Variants in ZBTB20 observed in about 807,000 individuals in gnomAD.
ZBTB20 encodes the protein zinc finger and BTB domain containing 20.
A neutral mutation model predicts 56.9 loss-of-function variants in ZBTB20; 9 were observed. The ratio of observed to expected loss-of-function variants is 0.16; its 90% CI spans 0.10 to 0.28. The LOEUF (loss-of-function observed/expected upper bound fraction) is 0.28. ZBTB20 is among the 10% of genes least tolerant of loss of function. ZBTB20 has a pLI of 1.00. For synonymous variants in ZBTB20, 417 were observed against 420.7 expected (o/e 0.99, Z 0.11); for missense variants, 655 against 1,003.0 (o/e 0.65, Z 4.69).
intron 2 of ZBTB20, among the ~76,000 whole-genome samples, chr3:115,058,491 G>A (rs2081895548): frequency 2.6e-5 from 4 of 152,162 alleles, no homozygotes. Flanking sequence ...CACTTTGGGA[G>A]GCTGAGGCAG....
At chr3:114,981,313 T>C (rs534354443) in intron 2 of ZBTB20, among the ~76,000 whole-genome samples, 2 of 152,230 alleles carry the variant, frequency 1.3e-5, no homozygotes, top group African/African-American at 4.8e-5. Context: ...TGTTATGATT[T>C]GTAACCTTTC....
intron 2 of ZBTB20, among the ~76,000 whole-genome samples, chr3:115,053,021 T>C (rs777623788): frequency 5.3e-5 from 8 of 152,228 alleles, no homozygotes; most frequent in Non-Finnish European, 1.0e-4. Context: ...ATCTGAATGC[T>C]GACATCACTG....
At chr3:114,471,270 AC>A (rs2040096660) in intron 7 of ZBTB20, among the ~76,000 whole-genome samples, 1 of 152,176 alleles carries the variant, frequency 6.6e-6, no homozygotes, top group Non-Finnish European at 1.5e-5. Flanking sequence ...TTTAATTTTT[AC>A]ACTACTCCCA....
chr3:115,109,402 A>G (rs1368997327), intron 1 of ZBTB20, among the ~76,000 whole-genome samples: 1 of 152,222 alleles, frequency 6.6e-6, no homozygotes, highest in Non-Finnish European at 1.5e-5. Context: ...AATAGTCTTC[A>G]TATCTTTCCA....
intron 2 of ZBTB20, among the ~76,000 whole-genome samples, chr3:115,064,927 G>GAA (rs2082153292): frequency 6.6e-6 from 1 of 152,094 alleles, no homozygotes; most frequent in South Asian, 2.1e-4. Flanking sequence ...TCTTGGTGTG[G>GAA]AATTGCTTTC....
At chr3:114,918,966 A>G (rs1164150811) in intron 3 of ZBTB20, among the ~76,000 whole-genome samples, 1 of 152,200 alleles carries the variant, frequency 6.6e-6, no homozygotes, top group African/African-American at 2.4e-5. Context: ...TGTGGCTCAG[A>G]CTGCCTTAAA....
chr3:114,412,153 A>T (rs2088027684), intron 7 of ZBTB20, among the ~76,000 whole-genome samples: 1 of 152,156 alleles, frequency 6.6e-6, no homozygotes. Flanking sequence ...CATGGAAAGG[A>T]CATAGACTTA....
intron 6 of ZBTB20, among the ~76,000 whole-genome samples, chr3:114,690,630 ACCCTT>A (rs931619972): frequency 1.3e-5 from 2 of 152,154 alleles, no homozygotes; most frequent in African/African-American, 4.8e-5. Flanking sequence ...CACAGAGAGC[ACCCTT>A]TGTTATACAA....
intron 2 of ZBTB20, among the ~76,000 whole-genome samples, chr3:115,049,694 G>C (rs1196815223): frequency 6.6e-6 from 1 of 152,036 alleles, no homozygotes; most frequent in Non-Finnish European, 1.5e-5. Context: ...CTGGTATAAG[G>C]CAAACTGTTT....
At chr3:114,545,117 G>GA (rs1312640488) in intron 6 of ZBTB20, among the ~76,000 whole-genome samples, 3 of 152,168 alleles carry the variant, frequency 2.0e-5, no homozygotes, top group Non-Finnish European at 1.5e-5. Flanking sequence ...ATGAAGGACG[G>GA]AAAACCCGCT....
At chr3:114,698,513 G>A (rs1014245937) in intron 5 of ZBTB20, among the ~76,000 whole-genome samples, 1 of 152,060 alleles carries the variant, frequency 6.6e-6, no homozygotes, top group African/African-American at 2.4e-5. Flanking sequence ...AGAAAGAAAG[G>A]GTGAAGTTGT....
chr3:115,023,296 A>G (rs1313017183), intron 2 of ZBTB20, among the ~76,000 whole-genome samples: 1 of 151,012 alleles, frequency 6.6e-6, no homozygotes, highest in Non-Finnish European at 1.5e-5. Flanking sequence ...TTACACAGTA[A>G]AACTGTGCTT....
chr3:115,026,310 G>T (rs1300769425), intron 2 of ZBTB20, among the ~76,000 whole-genome samples: 1 of 150,882 alleles, frequency 6.6e-6, no homozygotes, highest in African/African-American at 2.4e-5. Flanking sequence ...ATAACTCCTG[G>T]CAGTTTGAAA....
chr3:114,575,325 C>G (rs1053501534), intron 6 of ZBTB20, among the ~76,000 whole-genome samples: 4 of 152,074 alleles, frequency 2.6e-5, no homozygotes, highest in Admixed American at 6.6e-5. Flanking sequence ...ATAAATCAAT[C>G]AAATGTATCA....
intron 1 of ZBTB20, among the ~76,000 whole-genome samples, chr3:115,136,061 T>C (rs560060934): frequency 2.6e-5 from 4 of 152,106 alleles, no homozygotes; most frequent in Non-Finnish European, 5.9e-5. Context: ...TTCTGTGTAC[T>C]CTATTCAACA....
chr3:114,387,831 T>C (rs2085343702), intron 8 of ZBTB20: 1 of 152,234 alleles, frequency 6.6e-6, no homozygotes, highest in African/African-American at 2.4e-5. Context: ...TTCTGTCATG[T>C]CTTTAGTCCC....
At chr3:114,640,173 C>T (rs1017003823) in intron 6 of ZBTB20, among the ~76,000 whole-genome samples, 2 of 151,948 alleles carry the variant, frequency 1.3e-5, no homozygotes, top group East Asian at 3.9e-4. Flanking sequence ...CTCAGGTTTA[C>T]TGGGGGATAT....
intron 11 of ZBTB20, 152 bp downstream of exon 11, chr3:114,350,122 C>T: frequency 8.8e-7 from 1 of 1,133,980 alleles, no homozygotes; most frequent in Non-Finnish European, 1.2e-6. Flanking sequence ...ATGGGAGGAA[C>T]ACAGTTGGGG....
chr3:114,927,367 C>G (rs752841233), intron 3 of ZBTB20, among the ~76,000 whole-genome samples: 1 of 152,090 alleles, frequency 6.6e-6, no homozygotes, highest in Non-Finnish European at 1.5e-5. Flanking sequence ...AGTTATGCTC[C>G]GACTGTCTTG....
Sources: allele counts gnomAD v4.1 joint callset (sites outside exome capture counted in the v4.1 genomes callset), GRCh38; gene constraint gnomAD v4.1.1; transcripts MANE v1.5; gene names NCBI Gene and HGNC (gene_info 2026-07-23, HGNC 2026-07-21).